Variants in KATNAL1 observed in about 807,000 individuals in gnomAD.
KATNAL1 encodes the protein katanin p60 ATPase-containing subunit A-like 1.
A neutral mutation model predicts 55.2 loss-of-function variants in KATNAL1; 32 were observed. The observed-to-expected ratio is 0.58, with a 90% CI of 0.44 to 0.78. The LOEUF (loss-of-function observed/expected upper bound fraction) is 0.78, where lower values mean the gene tolerates loss of function less well. Ranked by LOEUF, KATNAL1 falls within the 30% of genes least tolerant of loss-of-function variation. The probability of loss-of-function intolerance (pLI) is 0.00; values close to 1 mark genes in which losing one functional copy is unlikely to be tolerated. For synonymous variants in KATNAL1, 193 were observed against 193.6 expected, an observed-to-expected ratio of 1.00 and a Z score of 0.02; for missense variants, 466 against 600.9, an observed-to-expected ratio of 0.78 and a Z score of 2.35.
intron 3 of KATNAL1, among the ~76,000 whole-genome samples, chr13:30,257,907 T>C (rs976724357): frequency 9.9e-5 from 15 of 152,250 alleles, no homozygotes; most frequent in African/African-American, 3.6e-4. Context: ...CTCTGTGGAC[T>C]TCCCAAAGGA....
At chr13:30,234,021 A>C (rs1319402877) in intron 6 of KATNAL1, among the ~76,000 whole-genome samples, 1 of 152,210 alleles carries the variant, frequency 6.6e-6, no homozygotes, top group Admixed American at 6.5e-5. Flanking sequence ...AGTTTACAAT[A>C]GTCTCTTGTA....
chr13:30,303,853 A>G (rs896617359), intron 1 of KATNAL1, among the ~76,000 whole-genome samples: 2 of 152,248 alleles, frequency 1.3e-5, no homozygotes, highest in African/African-American at 4.8e-5. Flanking sequence ...CTCAGACTCT[A>G]ATCATCACTT....
chr13:30,296,461 T>C, intron 1 of KATNAL1: 1 of 708,414 alleles, frequency 1.4e-6, no homozygotes, highest in Non-Finnish European at 2.6e-6. Flanking sequence ...CCCTGCTTGC[T>C]AATGTGGCAA....
intron 1 of KATNAL1, among the ~76,000 whole-genome samples, chr13:30,304,031 G>A (rs1247469465): frequency 6.6e-6 from 1 of 152,180 alleles, no homozygotes; most frequent in African/African-American, 2.4e-5. Context: ...CCACTAAACT[G>A]TTTCAACTTC....
At chr13:30,277,334 G>T (rs1880915629) in intron 3 of KATNAL1, among the ~76,000 whole-genome samples, 1 of 152,084 alleles carries the variant, frequency 6.6e-6, no homozygotes, top group Non-Finnish European at 1.5e-5. Context: ...TCAATTCCAT[G>T]AAGTAGAGAT....
chr13:30,265,622 T>C (rs1879700876), intron 3 of KATNAL1, among the ~76,000 whole-genome samples: 1 of 152,034 alleles, frequency 6.6e-6, no homozygotes, highest in Admixed American at 6.5e-5. Context: ...AAAATAAGTT[T>C]TTCCTTAAAG....
At chr13:30,297,651 G>A (rs556930070) in intron 1 of KATNAL1, among the ~76,000 whole-genome samples, 1 of 152,158 alleles carries the variant, frequency 6.6e-6, no homozygotes, top group Non-Finnish European at 1.5e-5. Flanking sequence ...TAAAGAAAAC[G>A]TGGTACATAT....
Position 30,283,908 on chromosome 13 carries a change from C to T in KATNAL1, c.-14-117G>A, listed in dbSNP as rs146957379. 6.1e-4 allele frequency: 417 copies of T among 688,234 alleles called. 4 individuals carry two copies. The African/African-American group carries it at 6.6e-3, about 11-fold the overall frequency. The allele number at this position is 688,234 out of a possible 1,614,324, so 42.6% of individuals were successfully genotyped here. On this transcript the variant is annotated intron_variant, in intron 1 of 10. Coordinates refer to ENST00000380615, the MANE Select transcript of KATNAL1 (RefSeq NM_032116.5). ...TTTTTTTTTTTGAAACAGAGACTCA[C>T]TTTATTGCCCAGATTGGAGTGCAGC...
chr13:30,286,541 G>A (rs186594136), intron 1 of KATNAL1, among the ~76,000 whole-genome samples: 81 of 152,366 alleles, frequency 5.3e-4, no homozygotes, highest in African/African-American at 1.9e-3. Flanking sequence ...GTATGGAAAT[G>A]CCTGGAGGTC....
chr13:30,234,204 C>T (rs1032984046), intron 6 of KATNAL1, among the ~76,000 whole-genome samples: 7 of 152,154 alleles, frequency 4.6e-5, no homozygotes, highest in African/African-American at 1.7e-4. Context: ...TTCAAAAACA[C>T]AAAAAATGTT....
intron 2 of KATNAL1, among the ~76,000 whole-genome samples, chr13:30,283,000 C>T (rs535532383): frequency 1.5e-5 from 2 of 132,284 alleles, no homozygotes; most frequent in African/African-American, 2.9e-5. Flanking sequence ...CCAGGTACAG[C>T]GGCTCACGCT....
chr13:30,303,458 G>A (rs1408042413), intron 1 of KATNAL1, among the ~76,000 whole-genome samples: 1 of 152,186 alleles, frequency 6.6e-6, no homozygotes, highest in Non-Finnish European at 1.5e-5. Context: ...CCAGCCACTG[G>A]GGAGGCTGAG....
intron 9 of KATNAL1, among the ~76,000 whole-genome samples, chr13:30,221,344 T>A (rs947888193): frequency 6.6e-6 from 1 of 152,222 alleles, no homozygotes; most frequent in African/African-American, 2.4e-5. Flanking sequence ...AGTGAAGAAC[T>A]GAATACTGAT....
chr13:30,255,668 G>C, intron 3 of KATNAL1, 53 bp from the exon 4 acceptor site: 1 of 1,320,274 alleles, frequency 7.6e-7, no homozygotes, highest in Non-Finnish European at 9.7e-7. Flanking sequence ...TTAATCAAAG[G>C]CAAAAGTATG....
Position 30,207,392 on chromosome 13 carries a change from A to G in KATNAL1, c.*1148T>C, listed in dbSNP as rs1186698927. 1 of 152,260 alleles carries G rather than the reference A, an allele frequency of 6.6e-6. No homozygotes were observed. Among genetic ancestry groups the G allele is most frequent in the Middle Eastern group, 3.2e-3 (1 of 316 alleles). The allele number at this position is 152,260 out of a possible 1,614,324, so 9.4% of individuals were successfully genotyped here. Reference sequence around the variant, plus strand: ...CAAGGACAAATTTTAGAATTTTCCAATGAACATCATTCACTATGTATGATG... The same window carrying G: ...CAAGGACAAATTTTAGAATTTTCCAGTGAACATCATTCACTATGTATGATG... On this transcript the variant is annotated 3_prime_UTR_variant, in exon 11 of 11. Transcript: ENST00000380615.
In KATNAL1 at chr13:30,280,215, C is replaced by A; in HGVS notation, c.171G>T (p.Gln57His). The part of the protein sequence containing the change: ...AIKGKWQQVR[Q>H]ELLEEYEQVK... ...CTTGTTCATATTCCTCCAATAATTCCTGCCGAACCTTAAAAAAAAAAAATA... is the reference window on the plus strand; with the variant it reads ...CTTGTTCATATTCCTCCAATAATTCATGCCGAACCTTAAAAAAAAAAAATA... The change falls in exon 3 of 11, where the codon CAG becomes CAT. Residue 57 changes from glutamine to histidine, a missense_variant. Transcript: ENST00000380615. The A allele has an allele frequency of 6.4e-7, 1 of 1,574,298 alleles. No homozygotes were observed. The highest frequency in any genetic ancestry group is 1.2e-5 in the South Asian group (1 of 82,888).
chr13:30,293,548 A>G (rs1250240092), intron 1 of KATNAL1, among the ~76,000 whole-genome samples: 1 of 152,218 alleles, frequency 6.6e-6, no homozygotes, highest in Non-Finnish European at 1.5e-5. Flanking sequence ...TTTTCATACA[A>G]TTAATTCCAC....
chr13:30,301,616 G>C (rs1299889638), intron 1 of KATNAL1, among the ~76,000 whole-genome samples: 1 of 152,160 alleles, frequency 6.6e-6, no homozygotes, highest in African/African-American at 2.4e-5. Flanking sequence ...ATAGAGCCTG[G>C]ATTTGAACCC....
At chr13:30,271,509 G>C (rs1487463847) in intron 3 of KATNAL1, among the ~76,000 whole-genome samples, 1 of 152,126 alleles carries the variant, frequency 6.6e-6, no homozygotes, top group Non-Finnish European at 1.5e-5. Flanking sequence ...AGGTTGGGGG[G>C]TGCGGGCGGA....
Sources: gnomAD v4.1 joint callset for allele counts (sites outside exome capture counted in the v4.1 genomes callset) on GRCh38, gnomAD v4.1.1 for gene constraint, MANE v1.5 for transcripts, NCBI Gene and HGNC (gene_info 2026-07-23, HGNC 2026-07-21) for gene names.